Variants in ZC3H18 observed in about 807,000 individuals in gnomAD.
The protein encoded by ZC3H18 is zinc finger CCCH domain-containing protein 18.
Under a neutral mutation model 106.1 loss-of-function variants are expected in ZC3H18, and 8 were observed. The ratio of observed to expected loss-of-function variants is 0.08; its 90% CI spans 0.04 to 0.14. The LOEUF is 0.14. Among genes scored for constraint, ZC3H18 ranks in the 10% least tolerant of loss-of-function variants. ZC3H18 has a pLI of 1.00. For missense variants in ZC3H18, 1,318 were observed against 1,278.4 expected, an observed-to-expected ratio of 1.03 and a Z score of -0.47; for synonymous variants, 635 against 522.1, an observed-to-expected ratio of 1.22 and a Z score of -2.95.
At position 88,625,542 on chromosome 16, in the gene ZC3H18, T is replaced by C. The variant is rs1006521215; in HGVS notation, c.2108+275T>C. On this transcript the variant is annotated intron_variant, in intron 13 of 17. Coordinates refer to ENST00000301011, the MANE Select transcript of ZC3H18 (RefSeq NM_144604.4). ...GAGGAGGTGCCTCTGCCCTGCTGAC[T>C]TGATGCCCAGCACCCTGAGAGAGCA... is the stretch of plus-strand genomic sequence containing the variant. 16 of 476,702 alleles carry C rather than the reference T, an allele frequency of 3.4e-5. 1 individual carries two copies. Among genetic ancestry groups the C allele is most frequent in the South Asian group, 1.8e-4 (8 of 45,148 alleles). 29.5% of individuals were successfully genotyped at this position (476,702 alleles called of 1,614,324 possible).
chr16:88,616,844 G>A (rs59322069), intron 8 of ZC3H18, among the ~76,000 whole-genome samples: 16,807 of 152,120 alleles, frequency 0.11, 1,112 homozygotes, highest in Middle Eastern at 0.16. Flanking sequence ...TGTCCAGCAC[G>A]GCTGCACCAG....
chr16:88,622,160 G>C (rs751966659), intron 8 of ZC3H18, 37 bp from the exon 9 acceptor site: 1 of 1,584,454 alleles, frequency 6.3e-7, no homozygotes, highest in South Asian at 1.1e-5. Flanking sequence ...TGAAGCGGAA[G>C]GTGGCCTGAG....
intron 3 of ZC3H18, among the ~76,000 whole-genome samples, chr16:88,596,272 T>C (rs1023680027): frequency 2.2e-4 from 33 of 152,294 alleles, no homozygotes; most frequent in African/African-American, 6.7e-4. Flanking sequence ...TCGTAGGTGA[T>C]GTCCTAAAAA....
chr16:88,617,955 T>G (rs1905726514), intron 8 of ZC3H18, among the ~76,000 whole-genome samples: 1 of 152,250 alleles, frequency 6.6e-6, no homozygotes, highest in Non-Finnish European at 1.5e-5. Context: ...CAGAGGGATT[T>G]GTGACTCCCC....
intron 3 of ZC3H18, among the ~76,000 whole-genome samples, chr16:88,596,666 A>G (rs1904455851): frequency 6.6e-6 from 1 of 152,094 alleles, no homozygotes; most frequent in Non-Finnish European, 1.5e-5. Context: ...AAAAAGGAAA[A>G]GGAGTACAGA....
At chr16:88,601,376 G>T (rs1472061164) in intron 6 of ZC3H18, among the ~76,000 whole-genome samples, 6 of 152,172 alleles carry the variant, frequency 3.9e-5, no homozygotes, top group Admixed American at 2.0e-4. Flanking sequence ...GTGCACAGAG[G>T]TCTCTATAAA....
chr16:88,614,611 ATCT>A (rs938799306), intron 8 of ZC3H18, among the ~76,000 whole-genome samples: 2 of 152,242 alleles, frequency 1.3e-5, no homozygotes, highest in Non-Finnish European at 2.9e-5. Context: ...AGGCAAAGTA[ATCT>A]TCTTAAAGAA....
At chr16:88,630,701 C>G (rs1906609895) in intron 17 of ZC3H18, 120 bp downstream of exon 17, 1 of 774,696 alleles carries the variant, frequency 1.3e-6, no homozygotes, top group South Asian at 1.7e-5. Flanking sequence ...CACTACAGCT[C>G]CTGCTGGTCT....
At chr16:88,625,675 CG>C in intron 13 of ZC3H18, 1 of 200,286 alleles carries the variant, frequency 5.0e-6, no homozygotes, top group South Asian at 8.2e-5. Flanking sequence ...GTGGGGAAGC[CG>C]ATAAAAACAT....
At chr16:88,594,617 C>T (rs1447238267) in intron 3 of ZC3H18, among the ~76,000 whole-genome samples, 1 of 152,106 alleles carries the variant, frequency 6.6e-6, no homozygotes, top group African/African-American at 2.4e-5. Flanking sequence ...AAGCAAGGTT[C>T]AGCACAGAGC....
intron 3 of ZC3H18, among the ~76,000 whole-genome samples, chr16:88,592,620 G>T (rs181473508): frequency 1.2e-3 from 186 of 152,160 alleles, no homozygotes; most frequent in African/African-American, 4.4e-3. Context: ...GATTACAGGC[G>T]CATGCCACCA....
chr16:88,612,077 A>G (rs1055230997), intron 8 of ZC3H18, among the ~76,000 whole-genome samples: 4 of 152,118 alleles, frequency 2.6e-5, no homozygotes, highest in Non-Finnish European at 5.9e-5. Context: ...TGGGTGCAGA[A>G]TGATCCTTGC....
In ZC3H18 at chr16:88,577,411, C is replaced by T. The variant is rs1285220848; in HGVS notation, c.288C>T (p.Pro96=). The T allele has an allele frequency of 1.9e-6, 3 of 1,601,918 alleles. No homozygotes were observed. Among genetic ancestry groups the T allele is most frequent in the Non-Finnish European group, 2.6e-6 (3 of 1,172,738 alleles). Residue 96 remains proline, a synonymous_variant, in exon 2 of 18, where the codon CCC becomes CCT. Transcript: ENST00000301011. ...TGAGCCGGGGCCCGACCAGCTCCCCCTGCGAGGAGGAGGGGGACGAAGGGG... is the reference window on the plus strand; with the variant it reads ...TGAGCCGGGGCCCGACCAGCTCCCCTTGCGAGGAGGAGGGGGACGAAGGGG... The part of the protein sequence containing the change: ...NELSRGPTSS[P]CEEEGDEGEE...
At chr16:88,629,132 A>T (rs1906506099) in intron 16 of ZC3H18, among the ~76,000 whole-genome samples, 1 of 152,248 alleles carries the variant, frequency 6.6e-6, no homozygotes, top group Admixed American at 6.5e-5. Context: ...TGAGGTCAGG[A>T]GTTCCAGACC....
At chr16:88,578,595 A>G (rs1301593142) in intron 2 of ZC3H18, among the ~76,000 whole-genome samples, 2 of 152,042 alleles carry the variant, frequency 1.3e-5, no homozygotes, top group African/African-American at 4.8e-5. Flanking sequence ...ATTGCGGTGA[A>G]GAGTGTCTGC....
At chr16:88,577,813 G>C in intron 2 of ZC3H18, 87 bp downstream of exon 2, 5 of 1,598,840 alleles carry the variant, frequency 3.1e-6, no homozygotes, top group Admixed American at 1.7e-5. Context: ...CTCTGTGTGG[G>C]ACTGACTTAG....
chr16:88,583,785 G>T (rs1915277532), intron 2 of ZC3H18, among the ~76,000 whole-genome samples: 1 of 152,188 alleles, frequency 6.6e-6, no homozygotes, highest in Non-Finnish European at 1.5e-5. Context: ...CAGGTGGTGT[G>T]TGTTGAGAGC....
intron 3 of ZC3H18, chr16:88,587,704 CTG>C: frequency 7.8e-7 from 1 of 1,280,600 alleles, no homozygotes; most frequent in Non-Finnish European, 1.1e-6. Context: ...CAGAACACAG[CTG>C]TGAAGCCAGA....
chr16:88,624,136 A>G (rs1326893064), intron 11 of ZC3H18, 74 bp downstream of exon 11: 13 of 1,569,750 alleles, frequency 8.3e-6, no homozygotes, highest in East Asian at 2.2e-5. Context: ...CTCCGTCTCT[A>G]TCTCTCATTT....
Sources: allele counts gnomAD v4.1 joint callset (sites outside exome capture counted in the v4.1 genomes callset), GRCh38; gene constraint gnomAD v4.1.1; transcripts MANE v1.5; gene names NCBI Gene and HGNC (gene_info 2026-07-23, HGNC 2026-07-21).